ARHGAP26: variants seen among roughly 807,000 people sequenced by gnomAD.
ARHGAP26 encodes rho GTPase-activating protein 26.
ARHGAP26 carries 38 observed loss-of-function variants against 104.8 expected under a neutral mutation model. The observed-to-expected ratio is 0.36, with a 90% confidence interval of 0.28 to 0.48. ARHGAP26 has a LOEUF of 0.48. Among genes scored for constraint, ARHGAP26 ranks in the 20% least tolerant of loss-of-function variants. The pLI, the probability that ARHGAP26 is intolerant of heterozygous loss-of-function variation, is 0.99. For synonymous variants in ARHGAP26, 341 were observed against 340.0 expected, an observed-to-expected ratio of 1.00 and a Z score of -0.03; for missense variants, 704 against 947.9, an observed-to-expected ratio of 0.74 and a Z score of 3.38.
At chr5:143,115,066 C>T (rs755859359) in intron 17 of ARHGAP26, among the ~76,000 whole-genome samples, 1 of 151,854 alleles carries the variant, frequency 6.6e-6, no homozygotes, top group Non-Finnish European at 1.5e-5. Context: ...GGTGTAGTGG[C>T]TTATGCCTGT....
At chr5:142,990,636 G>T (rs890696925) in intron 11 of ARHGAP26, among the ~76,000 whole-genome samples, 1 of 152,154 alleles carries the variant, frequency 6.6e-6, no homozygotes, top group Non-Finnish European at 1.5e-5. Flanking sequence ...TACAGATGGG[G>T]TTTTGGTGTG....
chr5:143,014,082 C>T lies in ARHGAP26; in HGVS notation c.1110C>T (p.Val370=). 6.2e-7 allele frequency: 1 copy of T among 1,614,094 alleles called. No homozygotes were observed. Among genetic ancestry groups the T allele is most frequent in the Non-Finnish European group, 8.5e-7 (1 of 1,179,978 alleles). Residue 370 remains valine, a splice_region_variant and synonymous_variant, in exon 12 of 23, where the codon GTC becomes GTT. Coordinates refer to ENST00000645722, the MANE Select transcript of ARHGAP26 (RefSeq NM_001135608.3). ...WMEAMDGREP[V]YNSNKDSQSE... is the part of the protein sequence containing the mutation. ...GAATTTTTATTTTTATTTTCCAGGT[C>T]TACAACTCGAACAAAGACAGCCAGA...
rs1182531755 is a variant in ARHGAP26, at chr5:143,056,059, T to C, written c.1405T>C (p.Phe469Leu). The C allele has an allele frequency of 6.2e-7, 1 of 1,613,392 alleles. No homozygotes were observed. Among genetic ancestry groups the C allele is most frequent in the South Asian group, 1.1e-5 (1 of 91,030 alleles). The change falls in exon 16 of 23, where the codon TTT becomes CTT. Residue 469 changes from phenylalanine (F) to leucine (L), a missense_variant. By Grantham distance (22) the Phe-to-Leu change is conservative (BLOSUM62 0). This residue lies in a region of ARHGAP26 where 287 missense variants were observed against 438.8 expected (regional missense o/e 0.65). Coordinates refer to ENST00000645722, the MANE Select transcript of ARHGAP26 (RefSeq NM_001135608.3). ...MLPGPLMMYQ[F>L]QRSFIKAAKL... ...TCCAGGACCACTCATGATGTACCAGTTTCAAAGAAGTTTCATCAAAGCAGC... is the reference window on the plus strand; with the variant it reads ...TCCAGGACCACTCATGATGTACCAGCTTCAAAGAAGTTTCATCAAAGCAGC...
intron 1 of ARHGAP26, among the ~76,000 whole-genome samples, chr5:142,851,397 G>C (rs1751499939): frequency 6.6e-6 from 1 of 152,124 alleles, no homozygotes; most frequent in African/African-American, 2.4e-5. Context: ...GCGCCCAGCC[G>C]GAAAATACAT....
intron 10 of ARHGAP26, among the ~76,000 whole-genome samples, chr5:142,928,660 T>C (rs1423912884): frequency 6.6e-6 from 1 of 152,218 alleles, no homozygotes; most frequent in African/African-American, 2.4e-5. Flanking sequence ...GTGGACAAGA[T>C]ACTTAACCTC....
intron 5 of ARHGAP26, among the ~76,000 whole-genome samples, chr5:142,890,144 AAAAAAAAATATATATATATATATAT>A (rs1273844006): frequency 1.1e-5 from 1 of 89,214 alleles, no homozygotes; most frequent in African/African-American, 4.8e-5. Context: ...CTTAAAAAAA[AAAAAAAAATATATATATATATATAT>A]ATATATATAT....
At chr5:142,895,287 A>G (rs1460738538) in intron 6 of ARHGAP26, among the ~76,000 whole-genome samples, 3 of 151,800 alleles carry the variant, frequency 2.0e-5, no homozygotes, top group South Asian at 2.1e-4. Flanking sequence ...CTGGAGTGCA[A>G]TGGTGCAATC....
At chr5:142,816,785 A>G (rs927901551) in intron 1 of ARHGAP26, among the ~76,000 whole-genome samples, 1 of 152,180 alleles carries the variant, frequency 6.6e-6, no homozygotes, top group Non-Finnish European at 1.5e-5. Flanking sequence ...GTTCGGAGGA[A>G]AAGATAGGGG....
At chr5:142,889,971 A>G (rs892164926) in intron 5 of ARHGAP26, among the ~76,000 whole-genome samples, 2 of 150,096 alleles carry the variant, frequency 1.3e-5, no homozygotes, top group African/African-American at 2.5e-5. Context: ...CCCCATCTCT[A>G]TTAAAAATAC....
chr5:143,059,247 G>A (rs975710127), intron 17 of ARHGAP26, among the ~76,000 whole-genome samples: 1 of 152,182 alleles, frequency 6.6e-6, no homozygotes, highest in African/African-American at 2.4e-5. Context: ...CATCGGGTCT[G>A]AAAGAGGCCT....
rs1803759014 is a variant in ARHGAP26, at chr5:143,178,086, G to A, written c.1989-29112G>A. Among the ~76,000 whole-genome samples the A allele has an allele frequency of 3.8e-5, 5 of 132,158 alleles. No homozygotes were observed. In the South Asian group the frequency reaches 1.0e-3, roughly 27 times the overall value. The allele number at this position is 132,158 out of a possible 152,430, so 86.7% of individuals were successfully genotyped here. The stretch of plus-strand genomic sequence containing the variant: ...GTAATCTCTGTTCACTACAACCTCC[G>A]CTTCCCAGGCTCAAATGATTCTCCT... On this transcript the variant is annotated intron_variant, in intron 20 of 22. Transcript: ENST00000645722.
At chr5:142,987,070 G>T (rs1404135409) in intron 11 of ARHGAP26, among the ~76,000 whole-genome samples, 3 of 152,154 alleles carry the variant, frequency 2.0e-5, no homozygotes, top group Non-Finnish European at 4.4e-5. Context: ...CATTGAATCT[G>T]TAAATTACCT....
chr5:143,147,028 G>A (rs1799244796), intron 19 of ARHGAP26, among the ~76,000 whole-genome samples: 1 of 152,128 alleles, frequency 6.6e-6, no homozygotes, highest in South Asian at 2.1e-4. Context: ...AAAGGGGTTT[G>A]CTTTAAAATT....
At chr5:142,983,868 G>A (rs995065290) in intron 11 of ARHGAP26, among the ~76,000 whole-genome samples, 1 of 152,132 alleles carries the variant, frequency 6.6e-6, no homozygotes, top group Non-Finnish European at 1.5e-5. Flanking sequence ...TGTACTTTAA[G>A]TAGGATTTTC....
intron 10 of ARHGAP26, among the ~76,000 whole-genome samples, chr5:142,925,331 C>T (rs1477018801): frequency 6.6e-6 from 1 of 152,142 alleles, no homozygotes; most frequent in Non-Finnish European, 1.5e-5. Context: ...GAAAGTAAAA[C>T]TGCAAAAGAA....
Position 143,207,197 on chromosome 5 carries a change from G to GC in ARHGAP26, c.1994dup (p.Asn666GlufsTer50). 6.2e-7 allele frequency: 1 copy of GC among 1,612,740 alleles called. No individual in the cohort carries two copies. Among genetic ancestry groups the GC allele is most frequent in the Non-Finnish European group, 8.5e-7 (1 of 1,179,158 alleles). ...AGTTTTCTGGTTGTTATGTCTTGCA[G>GC]CCCCCCGAATCCAAGCCCAACTTCA... On this transcript the variant is annotated frameshift_variant and splice_region_variant. Transcript: ENST00000645722. LOFTEE classifies it high-confidence loss of function.
chr5:142,917,097 T>C (rs1762584570), intron 10 of ARHGAP26, among the ~76,000 whole-genome samples: 1 of 150,974 alleles, frequency 6.6e-6, no homozygotes, highest in African/African-American at 2.4e-5. Flanking sequence ...CGGAGTGCAG[T>C]GGCACGATCT....
intron 1 of ARHGAP26, among the ~76,000 whole-genome samples, chr5:142,868,523 GT>G (rs1459714436): frequency 7.9e-5 from 12 of 152,212 alleles, no homozygotes; most frequent in Admixed American, 5.2e-4. Context: ...TTGTTTAGGG[GT>G]TGCTGATAGT....
intron 17 of ARHGAP26, among the ~76,000 whole-genome samples, chr5:143,094,642 C>T (rs1792028681): frequency 6.6e-6 from 1 of 152,240 alleles, no homozygotes; most frequent in Admixed American, 6.5e-5. Flanking sequence ...TGAGCACACA[C>T]TTGGACAAGG....
Sources: allele counts gnomAD v4.1 joint callset (sites outside exome capture counted in the v4.1 genomes callset), GRCh38; gene constraint gnomAD v4.1.1; regional missense constraint gnomAD v4.1.1; transcripts MANE v1.5; gene names NCBI Gene and HGNC (gene_info 2026-07-23, HGNC 2026-07-21).